The following ASB15 variants were observed in gnomAD, a reference collection of about 807,000 sequenced individuals.
ASB15 encodes ankyrin repeat and SOCS box containing 15.
A neutral mutation model predicts 58.0 loss-of-function variants in ASB15; 54 were observed. That is an observed-to-expected ratio of 0.93 (90% CI 0.75 to 1.17). The LOEUF (loss-of-function observed/expected upper bound fraction) is 1.17. Ranked by LOEUF, ASB15 falls within the 50% of genes most tolerant of loss-of-function variation. ASB15 has a pLI of 0.00. For synonymous variants in ASB15, 249 were observed against 262.4 expected (o/e 0.95, Z 0.50); for missense variants, 680 against 707.4 (o/e 0.96, Z 0.44).
At chr7:123,631,664 T>C (rs1453347174) in intron 11 of ASB15, among the ~76,000 whole-genome samples, 1 of 152,010 alleles carries the variant, frequency 6.6e-6, no homozygotes, top group African/African-American at 2.4e-5. Context: ...ACCTCAGAGA[T>C]CTAACCACCA....
intron 4 of ASB15, among the ~76,000 whole-genome samples, chr7:123,615,848 A>G (rs976451402): frequency 6.6e-6 from 1 of 152,208 alleles, no homozygotes; most frequent in Non-Finnish European, 1.5e-5. Context: ...TTTGCAGATG[A>G]AGAACCCACA....
chr7:123,620,240 G>T (rs1801147972), intron 7 of ASB15: 1 of 151,906 alleles, frequency 6.6e-6, no homozygotes, highest in African/African-American at 2.4e-5. Flanking sequence ...TGGGGCAACG[G>T]AGGCCAGGAC....
chr7:123,611,082 C>G (rs371839412), intron 3 of ASB15, among the ~76,000 whole-genome samples: 1 of 81,856 alleles, frequency 1.2e-5, no homozygotes, highest in African/African-American at 4.6e-5. Flanking sequence ...AACTCCATCT[C>G]AAAAAAAAAA....
At chr7:123,614,193 G>A (rs1393809549) in intron 3 of ASB15, 3 of 261,826 alleles carry the variant, frequency 1.1e-5, no homozygotes, top group African/African-American at 6.9e-5. Flanking sequence ...TCAATCAGAA[G>A]CTCAGGAAAA....
At chr7:123,598,506 A>G (rs182538758), upstream of ASB15, among the ~76,000 whole-genome samples, 1 of 152,346 alleles carries the variant, frequency 6.6e-6, no homozygotes, top group East Asian at 1.9e-4. Context: ...GCAAAAGGAA[A>G]AACAAGAAAA....
intron 1 of ASB15, chr7:123,596,309 G>A (rs1156830180): frequency 6.6e-6 from 1 of 152,038 alleles, no homozygotes; most frequent in Non-Finnish European, 1.5e-5. Context: ...TAGAAAGGAT[G>A]GATTTACATT....
At chr7:123,576,311 A>G (rs150959973) in intron 1 of ASB15, among the ~76,000 whole-genome samples, 19 of 147,260 alleles carry the variant, frequency 1.3e-4, no homozygotes, top group African/African-American at 4.8e-4. Flanking sequence ...TGTACTTTTT[A>G]CTCTTTTTTA....
chr7:123,580,680 G>A (rs1799205669), intron 1 of ASB15, among the ~76,000 whole-genome samples: 2 of 152,132 alleles, frequency 1.3e-5, no homozygotes, highest in South Asian at 4.1e-4. Flanking sequence ...ACCCATGTGG[G>A]TGAGTGGAGA....
Position 123,570,342 on chromosome 7 carries a change from A to G in ASB15, c.-443+3254A>G, listed in dbSNP as rs183126734. 1.6e-4 allele frequency among the ~76,000 whole-genome samples: 24 copies of G among 152,034 alleles called. No individual in the cohort carries two copies. In the East Asian group the frequency reaches 4.5e-3, roughly 28 times the overall value. On this transcript the variant is annotated intron_variant, in intron 1 of 13. Coordinates refer to the ASB15 transcript ENST00000451558. ...TGAGCCACCGCGCCCAGCCTGCCAT[A>G]GCTCTTATAAGTGGTGAAAGGTAGC... is the stretch of plus-strand genomic sequence containing the variant.
At chr7:123,595,511 T>C (rs907372626) in intron 1 of ASB15, among the ~76,000 whole-genome samples, 1 of 152,216 alleles carries the variant, frequency 6.6e-6, no homozygotes, top group Non-Finnish European at 1.5e-5. Flanking sequence ...AATGACCAAC[T>C]ATCGTCATGC....
intron 1 of ASB15, among the ~76,000 whole-genome samples, chr7:123,592,904 T>A (rs560682910): frequency 1.3e-5 from 2 of 152,146 alleles, no homozygotes; most frequent in African/African-American, 4.8e-5. Context: ...TGTGGGAGTC[T>A]AAGTCTCTTT....
chr7:123,629,084 C>T lies in ASB15; in HGVS notation c.1090C>T (p.His364Tyr), dbSNP rs372582963. ...LYFGVSNNDV[H>Y]CTEVLLAAGA... ...TTTTGGCGTTTCTAATAATGACGTT[C>T]ATTGCACAGAAGTCCTTCTGGCTGC... The change falls in exon 10 of 12, where the codon CAT becomes TAT. Residue 364 changes from histidine to tyrosine, a missense_variant. By Grantham distance (83) the His-to-Tyr change is moderately conservative (BLOSUM62 2). Coordinates refer to ENST00000451215, the MANE Select transcript of ASB15 (RefSeq NM_001290258.2). The T allele has an allele frequency of 2.5e-6, 4 of 1,613,420 alleles. No homozygotes were observed. The African/African-American group carries it at 5.3e-5, about 22-fold the overall frequency.
At chr7:123,585,175 G>A (rs763250195) in intron 1 of ASB15, among the ~76,000 whole-genome samples, 1 of 151,718 alleles carries the variant, frequency 6.6e-6, no homozygotes, top group Non-Finnish European at 1.5e-5. Context: ...TCTGAACAAA[G>A]AATTCAAATA....
chr7:123,611,968 GA>G (rs370674150), intron 3 of ASB15, among the ~76,000 whole-genome samples: 2,712 of 142,458 alleles, frequency 0.019, 78 homozygotes, highest in African/African-American at 0.063. Flanking sequence ...GATAGTAGGA[GA>G]AAAAAAAAAA....
upstream of ASB15, among the ~76,000 whole-genome samples, chr7:123,599,978 G>C (rs1007089528): frequency 7.2e-5 from 11 of 152,116 alleles, no homozygotes; most frequent in African/African-American, 2.4e-4. Flanking sequence ...AGCTTTCATA[G>C]AGGCAAATGT....
upstream of ASB15, among the ~76,000 whole-genome samples, chr7:123,599,678 T>C (rs1473542987): frequency 6.6e-6 from 1 of 152,232 alleles, no homozygotes; most frequent in African/African-American, 2.4e-5. Flanking sequence ...TCTAACACCG[T>C]GCTTCAACTA....
In ASB15 at chr7:123,627,257, G is replaced by T. The variant is rs200342156; in HGVS notation, c.845G>T (p.Arg282Leu). ...CGAGCAGGACATCTTCCTATACACC[G>T]AGCTGCCTATGAGGGGCATTATCTG... The part of the protein sequence containing the change: ...PNRAGHLPIH[R>L]AAYEGHYLAL... The change falls in exon 9 of 12, where the codon CGA becomes CTA. Residue 282 changes from arginine to leucine, a missense_variant. Physicochemically the swap from Arg to Leu is moderately radical, Grantham distance 102. Transcript: ENST00000451215. The T allele has an allele frequency of 6.2e-7, 1 of 1,613,610 alleles. No homozygotes were observed.
chr7:123,617,621 A>G lies in ASB15; in HGVS notation c.335A>G (p.Glu112Gly), dbSNP rs1158011383. ...TGGGAATTCAAGACCTGTGATGGAG[A>G]AACACCCTTGACTTTGGCAGTCAAA... ...TLWEFKTCDG[E>G]TPLTLAVKAG... Residue 112 changes from glutamate (E) to glycine (G), a missense_variant, in exon 7 of 12, where the codon GAA becomes GGA. Transcript: ENST00000451215. 5.0e-6 allele frequency: 8 copies of G among 1,611,258 alleles called. No individual in the cohort carries two copies. Among genetic ancestry groups the G allele is most frequent in the Non-Finnish European group, 6.8e-6 (8 of 1,177,476 alleles).
rs771043859 is a variant in ASB15 at position 123,614,598 on chromosome 7, T to G, written c.96T>G (p.Leu32=). Residue 32 remains leucine, a synonymous_variant, in exon 4 of 12, where the codon CTT becomes CTG. Coordinates refer to ENST00000451215, the MANE Select transcript of ASB15 (RefSeq NM_001290258.2). ...QESIEASKTA[L]CPERFVPLSA... is the part of the protein sequence containing the mutation. ...CCATTGAAGCCAGCAAGACTGCACT[T>G]TGTCCTGAAAGGTAGTATTCAAACC... The G allele has an allele frequency of 1.0e-5, 16 of 1,599,764 alleles. No individual in the cohort carries two copies. Among genetic ancestry groups the G allele is most frequent in the Non-Finnish European group, 1.4e-5 (16 of 1,167,758 alleles).
Sources: allele counts gnomAD v4.1 joint callset (sites outside exome capture counted in the v4.1 genomes callset), GRCh38; gene constraint gnomAD v4.1.1; transcripts MANE v1.5; gene names NCBI Gene and HGNC (gene_info 2026-07-23, HGNC 2026-07-21).